Variants in CATSPERT observed in about 807,000 individuals in gnomAD.
The protein encoded by CATSPERT is catsper channel auxiliary subunit tau.
chr2:201,510,625 C>T, the CATSPERT span, among the ~76,000 whole-genome samples: 1 of 151,982 alleles, frequency 6.6e-6, no homozygotes, highest in South Asian at 2.1e-4. Flanking sequence ...AATAAGTTGA[C>T]TATAGGGAAA....
chr2:201,581,634 G>C, the CATSPERT span, among the ~76,000 whole-genome samples: 1 of 135,248 alleles, frequency 7.4e-6, no homozygotes, highest in Non-Finnish European at 1.6e-5. Context: ...TCCAGACGGA[G>C]TATTGCTCTT....
At chr2:201,575,394 A>G in the CATSPERT span, 1 of 1,293,580 alleles carries the variant, frequency 7.7e-7, no homozygotes, top group East Asian at 2.7e-5. Flanking sequence ...TATCGAAACC[A>G]AGGGTCCCCA....
the CATSPERT span, among the ~76,000 whole-genome samples, chr2:201,515,375 C>T: frequency 6.6e-6 from 1 of 151,452 alleles, no homozygotes; most frequent in African/African-American, 2.4e-5. Context: ...GCTGGGACCA[C>T]AGGTGTGTAC....
At chr2:201,503,758 A>G in the CATSPERT span, among the ~76,000 whole-genome samples, 118 of 130,082 alleles carry the variant, frequency 9.1e-4, no homozygotes, top group African/African-American at 3.0e-3. Context: ...GTTGATTGAT[A>G]AATTTTTTTT....
At chr2:201,605,103 T>G in the CATSPERT span, among the ~76,000 whole-genome samples, 1 of 150,890 alleles carries the variant, frequency 6.6e-6, no homozygotes, top group Admixed American at 6.6e-5. Context: ...TATGCACACA[T>G]GCACACACAT....
the CATSPERT span, among the ~76,000 whole-genome samples, chr2:201,541,634 T>C: frequency 6.7e-6 from 1 of 148,720 alleles, no homozygotes; most frequent in East Asian, 2.0e-4. Context: ...CTCACTCTGT[T>C]ACCCAGGCTG....
the CATSPERT span, among the ~76,000 whole-genome samples, chr2:201,516,096 T>C: frequency 2.4e-4 from 37 of 152,328 alleles, no homozygotes; most frequent in African/African-American, 8.4e-4. Context: ...ATCTAGCCTA[T>C]TGCTACTAGG....
At chr2:201,529,865 G>A in the CATSPERT span, among the ~76,000 whole-genome samples, 1 of 151,972 alleles carries the variant, frequency 6.6e-6, no homozygotes, top group Non-Finnish European at 1.5e-5. Flanking sequence ...GCTGATAAGG[G>A]GCTAATATTC....
the CATSPERT span, chr2:201,557,025 A>T: frequency 2.6e-5 from 4 of 152,108 alleles, no homozygotes; most frequent in African/African-American, 9.7e-5. Context: ...TTTTATAACC[A>T]GTCTCATTCC....
the CATSPERT span, chr2:201,496,018 ATC>A: frequency 1.6e-6 from 2 of 1,215,766 alleles, no homozygotes; most frequent in Non-Finnish European, 2.3e-6. Context: ...ATATAAGAAT[ATC>A]AAGATCATTT....
At chr2:201,556,243 C>A in the CATSPERT span, among the ~76,000 whole-genome samples, 4 of 152,212 alleles carry the variant, frequency 2.6e-5, no homozygotes, top group African/African-American at 2.4e-5. Flanking sequence ...GGTGCAGTGG[C>A]TTACGCCTGT....
At chr2:201,516,559 T>C in the CATSPERT span, among the ~76,000 whole-genome samples, 377 of 152,232 alleles carry the variant, frequency 2.5e-3, no homozygotes, top group African/African-American at 8.1e-3. Flanking sequence ...GGGATTATAA[T>C]TCGAGATGAG....
chr2:201,512,098 T>A, the CATSPERT span, among the ~76,000 whole-genome samples: 1 of 152,130 alleles, frequency 6.6e-6, no homozygotes. Context: ...AAACCCAATT[T>A]ATCTTTTTCA....
chr2:201,588,673 A>G, the CATSPERT span, among the ~76,000 whole-genome samples: 1 of 149,048 alleles, frequency 6.7e-6, no homozygotes, highest in Non-Finnish European at 1.5e-5. Context: ...ATCCAAACCA[A>G]TTCCCTATTC....
At chr2:201,509,710 A>C in the CATSPERT span, among the ~76,000 whole-genome samples, 24 of 151,018 alleles carry the variant, frequency 1.6e-4, 4 homozygotes, top group African/African-American at 5.5e-4. Context: ...CATGCTTAGA[A>C]ATTTTACTAT....
the CATSPERT span, among the ~76,000 whole-genome samples, chr2:201,595,201 T>C: frequency 1.3e-5 from 2 of 150,630 alleles, no homozygotes; most frequent in Non-Finnish European, 3.0e-5. Flanking sequence ...CTTTTTTTTT[T>C]TTTTTTTGAG....
At chr2:201,531,702 A>G in the CATSPERT span, among the ~76,000 whole-genome samples, 7 of 152,208 alleles carry the variant, frequency 4.6e-5, no homozygotes, top group Non-Finnish European at 2.9e-5. Flanking sequence ...CTCCCCTGAC[A>G]GAGAAGAATA....
At chr2:201,611,356 C>T in the CATSPERT span, among the ~76,000 whole-genome samples, 15 of 152,252 alleles carry the variant, frequency 9.9e-5, no homozygotes, top group East Asian at 2.3e-3. Flanking sequence ...TAACAACAGG[C>T]TTCTGAATAA....
chr2:201,526,990 T>C, the CATSPERT span, among the ~76,000 whole-genome samples: 1 of 152,216 alleles, frequency 6.6e-6, no homozygotes, highest in African/African-American at 2.4e-5. Flanking sequence ...GCAGATGATA[T>C]AATTCTATAC....
Sources: allele counts gnomAD v4.1 joint callset (sites outside exome capture counted in the v4.1 genomes callset), GRCh38; gene constraint gnomAD v4.1.1; transcripts MANE v1.5; gene names NCBI Gene and HGNC (gene_info 2026-07-23, HGNC 2026-07-21).